Variants in ZSCAN25 observed in about 807,000 individuals in gnomAD.
The protein encoded by ZSCAN25 is zinc finger and SCAN domain containing 25.
ZSCAN25 carries 27 observed loss-of-function variants against 38.7 expected under a neutral mutation model. That is an observed-to-expected ratio of 0.70 (90% confidence interval 0.51 to 0.96). The LOEUF (loss-of-function observed/expected upper bound fraction) is 0.96, where lower values mean the gene tolerates loss of function less well. Among genes scored for constraint, ZSCAN25 ranks in the 40% least tolerant of loss-of-function variants. The pLI is 0.00. For synonymous variants in ZSCAN25, 273 were observed against 277.7 expected, an observed-to-expected ratio of 0.98 and a Z score of 0.17; for missense variants, 637 against 705.9, an observed-to-expected ratio of 0.90 and a Z score of 1.11.
At chr7:99,736,550 A>G in the ZSCAN25 span, among the ~76,000 whole-genome samples, 1 of 152,070 alleles carries the variant, frequency 6.6e-6, no homozygotes, top group Non-Finnish European at 1.5e-5. Context: ...CATTATCATC[A>G]CTCACACCCA....
chr7:99,632,986 G>GTTTTTTTTTTTTTT (rs201141594), downstream of ZSCAN25, among the ~76,000 whole-genome samples: 13 of 141,526 alleles, frequency 9.2e-5, no homozygotes, highest in South Asian at 7.3e-4. Context: ...TGCATTTTCT[G>GTTTTTTTTTTTTTT]TTGTTTTTTT....
At chr7:99,618,848 A>T (rs1338718149) in intron 2 of ZSCAN25, among the ~76,000 whole-genome samples, 197 bp downstream of exon 2, 1 of 152,120 alleles carries the variant, frequency 6.6e-6, no homozygotes. Context: ...TCTGCTCGTC[A>T]CTGCTGAAGC....
At chr7:99,665,683 T>C in the ZSCAN25 span, among the ~76,000 whole-genome samples, 1 of 152,236 alleles carries the variant, frequency 6.6e-6, no homozygotes, top group Non-Finnish European at 1.5e-5. Flanking sequence ...TAATTAACTC[T>C]TCCTAGTGGA....
At chr7:99,663,443 A>C in the ZSCAN25 span, 1 of 989,848 alleles carries the variant, frequency 1.0e-6, no homozygotes, top group Non-Finnish European at 1.2e-6. Flanking sequence ...GGCAAAGCTG[A>C]GTTAGCCAGC....
At chr7:99,683,121 ATCT>A in the ZSCAN25 span, among the ~76,000 whole-genome samples, 3 of 152,212 alleles carry the variant, frequency 2.0e-5, no homozygotes, top group Non-Finnish European at 2.9e-5. Flanking sequence ...TCATTTGAAC[ATCT>A]TCTTGCTTCC....
chr7:99,658,620 T>C, the ZSCAN25 span, among the ~76,000 whole-genome samples: 717 of 152,330 alleles, frequency 4.7e-3, 2 homozygotes, highest in African/African-American at 0.016. Context: ...TGAATTTGAA[T>C]GTTGGCCTGC....
At chr7:99,685,048 A>C in the ZSCAN25 span, 28 of 950,234 alleles carry the variant, frequency 2.9e-5, no homozygotes, top group African/African-American at 3.9e-4. Context: ...GCCCATCTTC[A>C]TTTCAGGGTA....
chr7:99,666,759 T>C, the ZSCAN25 span: 1 of 1,611,556 alleles, frequency 6.2e-7, no homozygotes, highest in Non-Finnish European at 8.5e-7. Flanking sequence ...TATGGCTTTC[T>C]CCAGCATGGA....
the ZSCAN25 span, among the ~76,000 whole-genome samples, chr7:99,661,729 G>A: frequency 1.3e-5 from 2 of 152,334 alleles, no homozygotes; most frequent in East Asian, 1.9e-4. Context: ...GAATATTTCT[G>A]TATGCTGCTG....
At chr7:99,721,982 C>T in the ZSCAN25 span, among the ~76,000 whole-genome samples, 1 of 152,136 alleles carries the variant, frequency 6.6e-6, no homozygotes, top group Non-Finnish European at 1.5e-5. Context: ...GTGGCATCAC[C>T]CTTGTTACTG....
At chr7:99,709,306 TA>T in the ZSCAN25 span, 1 of 1,590,792 alleles carries the variant, frequency 6.3e-7, no homozygotes, top group Non-Finnish European at 8.6e-7. Context: ...ATTTTTGAAT[TA>T]ACTTTTAACT....
At chr7:99,660,052 G>C in the ZSCAN25 span, 1 of 274,282 alleles carries the variant, frequency 3.6e-6, no homozygotes, top group Non-Finnish European at 5.6e-6. Flanking sequence ...GCTCAGGCTG[G>C]GTGCACTGCA....
At chr7:99,620,072 A>G in intron 4 of ZSCAN25, 79 bp downstream of exon 4, 1 of 1,473,362 alleles carries the variant, frequency 6.8e-7, no homozygotes, top group South Asian at 1.4e-5. Flanking sequence ...TTGAGGAAGC[A>G]GTAGGAGTGG....
the ZSCAN25 span, among the ~76,000 whole-genome samples, chr7:99,678,186 A>G: frequency 6.6e-6 from 1 of 152,212 alleles, no homozygotes; most frequent in African/African-American, 2.4e-5. Context: ...GGCCCACAAC[A>G]TGGCAGACCA....
Position 99,629,348 on chromosome 7 carries a change from G to A in ZSCAN25, c.963G>A (p.Ala321=), listed in dbSNP as rs770184202. Residue 321 remains alanine, a synonymous_variant, in exon 8 of 8, where the codon GCG becomes GCA. Coordinates refer to ENST00000394152, the MANE Select transcript of ZSCAN25 (RefSeq NM_145115.3). The surrounding 1 kb of genome is among the most constrained non-coding windows in gnomAD (Gnocchi z 5.6). ...AGCCTGGTGGCCCTGCAGGCAGTGCGCCTGGGCTTCCTCCTCCCCAGCACG... is the reference window on the plus strand; with the variant it reads ...AGCCTGGTGGCCCTGCAGGCAGTGCACCTGGGCTTCCTCCTCCCCAGCACG... ...EQEPGGPAGS[A]PGLPPPQHGA... is the part of the protein sequence containing the mutation. The A allele has an allele frequency of 2.5e-6, 4 of 1,614,148 alleles. No individual in the cohort carries two copies. Among genetic ancestry groups the A allele is most frequent in the South Asian group, 1.1e-5 (1 of 91,086 alleles).
chr7:99,652,352 G>C, the ZSCAN25 span: 294 of 456,128 alleles, frequency 6.4e-4, 1 homozygote, highest in Non-Finnish European at 5.5e-4. Flanking sequence ...TCTTTGTCTT[G>C]TGCTGGGACT....
chr7:99,654,866 C>T, the ZSCAN25 span, among the ~76,000 whole-genome samples: 1 of 152,186 alleles, frequency 6.6e-6, no homozygotes, highest in Non-Finnish European at 1.5e-5. Flanking sequence ...TGTCTATTGG[C>T]TGCATAAATG....
chr7:99,658,073 C>T, the ZSCAN25 span, among the ~76,000 whole-genome samples: 1 of 152,046 alleles, frequency 6.6e-6, no homozygotes, highest in Non-Finnish European at 1.5e-5. Flanking sequence ...AGCATTTAGC[C>T]CGTTTACATT....
chr7:99,651,148 G>C, the ZSCAN25 span, among the ~76,000 whole-genome samples: 1 of 152,154 alleles, frequency 6.6e-6, no homozygotes, highest in Non-Finnish European at 1.5e-5. Context: ...AGCTAACATG[G>C]ATTGATGGCT....
Sources: gnomAD v4.1 joint callset for allele counts (sites outside exome capture counted in the v4.1 genomes callset) on GRCh38, gnomAD v4.1.1 for gene constraint, Gnocchi (gnomAD v3.1) non-coding constraint, MANE v1.5 for transcripts, NCBI Gene and HGNC (gene_info 2026-07-23, HGNC 2026-07-21) for gene names.